The following RBM33 variants were observed in gnomAD, a reference collection of about 807,000 sequenced individuals.
RBM33 encodes RNA-binding protein 33.
A neutral mutation model predicts 132.6 loss-of-function variants in RBM33; 28 were observed. That is an observed-to-expected ratio of 0.21 (90% CI 0.16 to 0.29). The LOEUF is 0.29. Among genes scored for constraint, RBM33 ranks in the 10% least tolerant of loss-of-function variants. The pLI is 1.00. For synonymous variants in RBM33, 634 were observed against 593.0 expected (o/e 1.07, Z -1.01); for missense variants, 1,291 against 1,518.5 (o/e 0.85, Z 2.49).
intron 14 of RBM33, among the ~76,000 whole-genome samples, chr7:155,753,928 TGATAAGAC>T (rs1263886503): frequency 1.3e-5 from 2 of 152,228 alleles, no homozygotes; most frequent in Non-Finnish European, 1.5e-5. Context: ...ATCACTTATT[TGATAAGAC>T]GTACAGTCTA....
rs188718583 is a variant in RBM33 at position 155,727,734 on chromosome 7, A to G, written c.1260+9291A>G. Among the ~76,000 whole-genome samples the G allele has an allele frequency of 2.4e-4, 37 of 152,346 alleles. 1 individual carries two copies. The East Asian group carries it at 5.0e-3, about 21-fold the overall frequency. ...CCAGGTGAGCTCTCCCTTCTGTCCA[A>G]TAGCATCTGACATTGCCAAAAAGGT... On this transcript the variant is annotated intron_variant, in intron 9 of 17. Transcript: ENST00000401878.
intron 8 of RBM33, among the ~76,000 whole-genome samples, chr7:155,714,971 C>T (rs370290107): frequency 1.1e-4 from 17 of 152,268 alleles, no homozygotes; most frequent in African/African-American, 3.1e-4. Flanking sequence ...CACCACCAGG[C>T]CACTGGGCAT....
Position 155,738,130 on chromosome 7 carries a change from T to C in RBM33, c.1464T>C (p.Pro488=), listed in dbSNP as rs767664687. 1 of 1,613,974 alleles carries C rather than the reference T, an allele frequency of 6.2e-7. No individual in the cohort carries two copies. The highest frequency in any genetic ancestry group is 8.5e-7 in the Non-Finnish European group (1 of 1,179,888). ...GAAGTCCCCCTCCACCACCACCGCC[T>C]CCTACCCTTCTTAACAGTAGCCATC... The part of the protein sequence containing the change: ...EQRSPPPPPP[P]PTLLNSSHPV... The change falls in exon 11 of 18, where the codon CCT becomes CCC. Residue 488 remains proline, a synonymous_variant. Transcript: ENST00000401878.
At chr7:155,661,146 A>AT (rs3080619) in intron 1 of RBM33, among the ~76,000 whole-genome samples, 1,566 of 81,118 alleles carry the variant, frequency 0.019, 75 homozygotes, top group African/African-American at 0.057. Context: ...ATATATATAT[A>AT]TTTTTTTTTT....
Position 155,661,144 on chromosome 7 carries a change from ATATT to A in RBM33, c.44-4029_44-4026del, listed in dbSNP as rs1251961741. On this transcript the variant is annotated intron_variant, in intron 1 of 17. Transcript: ENST00000401878. ...TGTGTGTGTGTGTATATATATATATATATTTTTTTTTTTTTGAGACAGAGTCTCA... is the reference window on the plus strand; with the variant it reads ...TGTGTGTGTGTGTATATATATATATATTTTTTTTTTTGAGACAGAGTCTCA... Among the ~76,000 whole-genome samples, 43 of 40,746 alleles carry A rather than the reference ATATT, an allele frequency of 1.1e-3. 4 individuals carry two copies. The highest frequency in any genetic ancestry group is 2.9e-3 in the Admixed American group (16 of 5,590). The allele number at this position is 40,746 out of a possible 152,430, so 26.7% of individuals were successfully genotyped here. A position where few individuals can be genotyped will look rare whatever the true frequency, so the allele number is the denominator to read the frequency against.
chr7:155,704,844 G>A (rs543329708), intron 6 of RBM33, among the ~76,000 whole-genome samples: 2 of 151,848 alleles, frequency 1.3e-5, no homozygotes, highest in Non-Finnish European at 2.9e-5. Flanking sequence ...GAGATTTCTC[G>A]GTAGTAACAA....
At chr7:155,719,198 A>AG (rs1033074254) in intron 9 of RBM33, among the ~76,000 whole-genome samples, 17 of 152,074 alleles carry the variant, frequency 1.1e-4, no homozygotes, top group South Asian at 6.2e-4. Flanking sequence ...TAAACAGTGT[A>AG]GGGGAAAAAA....
intron 9 of RBM33, among the ~76,000 whole-genome samples, chr7:155,725,438 G>C (rs1350254646): frequency 1.3e-5 from 2 of 152,052 alleles, no homozygotes; most frequent in African/African-American, 4.8e-5. Flanking sequence ...AGGACTGGAG[G>C]CCAGTTCTCT....
intron 5 of RBM33, among the ~76,000 whole-genome samples, chr7:155,691,353 C>G (rs1423227288): frequency 6.6e-6 from 1 of 152,154 alleles, no homozygotes; most frequent in African/African-American, 2.4e-5. Context: ...ACTGGTTATT[C>G]TAGTTAGCCA....
At chr7:155,738,431 G>GA (rs1357470270) in intron 11 of RBM33, 28 bp downstream of exon 11, 10 of 1,565,140 alleles carry the variant, frequency 6.4e-6, no homozygotes, top group Non-Finnish European at 8.7e-7. Context: ...AACCTCCAGG[G>GA]AAAAAATGTG....
At chr7:155,693,654 T>TC in intron 5 of RBM33, among the ~76,000 whole-genome samples, 1 of 152,272 alleles carries the variant, frequency 6.6e-6, no homozygotes, top group Admixed American at 6.5e-5. Flanking sequence ...ATGCTCTTGA[T>TC]CTTAGGACTT....
chr7:155,666,613 GAC>G (rs1195594556), intron 2 of RBM33, among the ~76,000 whole-genome samples: 3 of 152,174 alleles, frequency 2.0e-5, no homozygotes, highest in Non-Finnish European at 2.9e-5. Flanking sequence ...TTGATTAAAA[GAC>G]TGTGATGGTG....
At chr7:155,706,226 T>C (rs1360978899) in intron 6 of RBM33, among the ~76,000 whole-genome samples, 2 of 152,216 alleles carry the variant, frequency 1.3e-5, no homozygotes, top group Non-Finnish European at 2.9e-5. Flanking sequence ...GCGCGGTGGC[T>C]CACGCCTGTA....
intron 1 of RBM33, 146 bp from the exon 2 acceptor site, chr7:155,665,029 A>G (rs1798763167): frequency 5.2e-6 from 3 of 576,246 alleles, no homozygotes; most frequent in East Asian, 6.3e-5. Context: ...AAAAATGGCT[A>G]AAGTAAAATG....
chr7:155,700,546 C>CTTTTTTTTTTTTTTTTTTTTTTTTTT (rs529323301), intron 5 of RBM33, among the ~76,000 whole-genome samples: 1 of 85,602 alleles, frequency 1.2e-5, no homozygotes, highest in Admixed American at 1.3e-4. Flanking sequence ...AGAATTTGAC[C>CTTTTTTTTTTTTTTTTTTTTTTTTTT]TTTTTTTTTT....
intron 5 of RBM33, 26 bp downstream of exon 5, chr7:155,680,934 C>A: frequency 6.3e-7 from 1 of 1,577,022 alleles, no homozygotes; most frequent in Admixed American, 1.7e-5. Flanking sequence ...TTTGTATGGC[C>A]AAAGATAACC....
chr7:155,651,511 T>G (rs1436067059), intron 1 of RBM33, among the ~76,000 whole-genome samples: 2 of 131,982 alleles, frequency 1.5e-5, no homozygotes. Context: ...GGCCAGGAGG[T>G]GGAGGTTGTA....
intron 16 of RBM33, among the ~76,000 whole-genome samples, chr7:155,769,032 T>A (rs1179092848): frequency 6.6e-6 from 1 of 152,216 alleles, no homozygotes; most frequent in Non-Finnish European, 1.5e-5. Context: ...TAAACTACAT[T>A]AATAAGCCTC....
At chr7:155,756,085 A>T (rs192633920) in intron 14 of RBM33, among the ~76,000 whole-genome samples, 1 of 152,194 alleles carries the variant, frequency 6.6e-6, no homozygotes, top group African/African-American at 2.4e-5. Flanking sequence ...TAAAAAGCGA[A>T]CACCACCCTG....
Sources: gnomAD v4.1 joint callset for allele counts (sites outside exome capture counted in the v4.1 genomes callset) on GRCh38, gnomAD v4.1.1 for gene constraint, MANE v1.5 for transcripts, NCBI Gene and HGNC (gene_info 2026-07-23, HGNC 2026-07-21) for gene names.